FANCA: variants seen among roughly 807,000 people sequenced by gnomAD.
FANCA encodes FA complementation group A.
A neutral mutation model predicts 194.3 loss-of-function variants in FANCA; 236 were observed. The observed-to-expected ratio is 1.21, with a 90% CI of 1.09 to 1.35. The LOEUF (loss-of-function observed/expected upper bound fraction) is 1.35. FANCA is among the 40% of genes most tolerant of loss of function. The pLI, the probability that FANCA is intolerant of heterozygous loss-of-function variation, is 0.00. For missense variants in FANCA, 2,628 were observed against 1,813.9 expected, an observed-to-expected ratio of 1.45 and a Z score of -8.15; for synonymous variants, 1,014 against 715.8, an observed-to-expected ratio of 1.42 and a Z score of -6.65.
intron 30 of FANCA, among the ~76,000 whole-genome samples, chr16:89,754,709 C>A (rs755165361): frequency 1.1e-4 from 16 of 152,032 alleles, no homozygotes; most frequent in African/African-American, 3.6e-4. Flanking sequence ...GGAATCGATA[C>A]AAAAACACTC....
chr16:89,761,147 C>T (rs1003843571), intron 29 of FANCA, among the ~76,000 whole-genome samples: 8 of 152,166 alleles, frequency 5.3e-5, no homozygotes, highest in African/African-American at 1.2e-4. Context: ...TGGCCAGGCG[C>T]GGTGGCTCAC....
At chr16:89,758,477 G>A (rs2143222824) in intron 30 of FANCA, 100 bp downstream of exon 30, 2 of 1,455,648 alleles carry the variant, frequency 1.4e-6, no homozygotes, top group African/African-American at 1.4e-5. Context: ...CCCACCCTAA[G>A]CTAATTAGAT....
intron 27 of FANCA, among the ~76,000 whole-genome samples, chr16:89,766,745 A>G (rs545878849): frequency 2.6e-5 from 4 of 152,272 alleles, no homozygotes; most frequent in African/African-American, 9.6e-5. Flanking sequence ...TTGTCTGAAC[A>G]ATGTAAGGAA....
chr16:89,744,631 C>T (rs2062203276), intron 36 of FANCA: 5 of 376,502 alleles, frequency 1.3e-5, no homozygotes, highest in East Asian at 6.2e-5. Context: ...TGGGAGAGGC[C>T]GTTCCTCACT....
intron 30 of FANCA, among the ~76,000 whole-genome samples, chr16:89,755,977 C>T (rs1011297602): frequency 2.0e-5 from 3 of 152,162 alleles, no homozygotes; most frequent in Admixed American, 6.5e-5. Context: ...GCCCACCGCT[C>T]CCAGGCTATA....
chr16:89,798,774 G>A, intron 10 of FANCA: 2 of 1,404,494 alleles, frequency 1.4e-6, no homozygotes, highest in Non-Finnish European at 1.9e-6. Context: ...TAGAGGCACA[G>A]CTACAGTGTG....
At chr16:89,791,834 A>G (rs2143528683) in intron 13 of FANCA, 93 bp downstream of exon 13, 3 of 1,528,434 alleles carry the variant, frequency 2.0e-6, no homozygotes, top group South Asian at 1.1e-5. Context: ...GAAGGGCTTC[A>G]CTGAGAGGCT....
chr16:89,801,795 G>A (rs1189578366), intron 8 of FANCA, among the ~76,000 whole-genome samples: 2 of 151,946 alleles, frequency 1.3e-5, no homozygotes, highest in Admixed American at 6.6e-5. Context: ...GGCTGAGGCA[G>A]GAGAATCGGT....
At chr16:89,759,951 C>T (rs768379366) in intron 29 of FANCA, among the ~76,000 whole-genome samples, 3 of 151,592 alleles carry the variant, frequency 2.0e-5, no homozygotes, top group Non-Finnish European at 2.9e-5. Context: ...GCTCCACCCA[C>T]GCTGTGCGGG....
chr16:89,787,149 C>T (rs192742913), intron 14 of FANCA, among the ~76,000 whole-genome samples: 132 of 152,326 alleles, frequency 8.7e-4, no homozygotes, highest in African/African-American at 3.1e-3. Flanking sequence ...CACTTAATGG[C>T]TGGGTGCAGT....
At chr16:89,816,449 G>A (rs2041131338) in intron 1 of FANCA, 88 bp downstream of exon 1, 1 of 1,204,224 alleles carries the variant, frequency 8.3e-7, no homozygotes, top group Non-Finnish European at 1.1e-6. Context: ...CCGACCGGCG[G>A]AGGCTCTGGC....
chr16:89,811,204 A>G (rs1007361967), intron 3 of FANCA, 133 bp from the exon 4 acceptor site: 3 of 1,045,750 alleles, frequency 2.9e-6, no homozygotes, highest in Non-Finnish European at 2.9e-6. Context: ...GGGAGAATAG[A>G]TGCAAAGGGA....
At chr16:89,777,365 G>A (rs2039544939) in intron 20 of FANCA, among the ~76,000 whole-genome samples, 1 of 152,206 alleles carries the variant, frequency 6.6e-6, no homozygotes, top group Non-Finnish European at 1.5e-5. Context: ...CTGGGTGACA[G>A]AGTGGGACCC....
At chr16:89,793,838 C>T (rs557393469) in intron 11 of FANCA, among the ~76,000 whole-genome samples, 26 of 152,288 alleles carry the variant, frequency 1.7e-4, no homozygotes, top group South Asian at 1.0e-3. Context: ...GCAAGCTCTG[C>T]CTCTCGGGTT....
chr16:89,773,560 A>G (rs1219417113), intron 21 of FANCA, among the ~76,000 whole-genome samples, 176 bp from the exon 22 acceptor site: 1 of 152,158 alleles, frequency 6.6e-6, no homozygotes, highest in Non-Finnish European at 1.5e-5. Flanking sequence ...CTGATGCTGG[A>G]TGCCACATCG....
At chr16:89,754,090 C>T (rs894927222) in intron 30 of FANCA, among the ~76,000 whole-genome samples, 1 of 151,758 alleles carries the variant, frequency 6.6e-6, no homozygotes, top group Non-Finnish European at 1.5e-5. Context: ...GGCATGGTGG[C>T]GGGTGCCTGT....
At chr16:89,796,627 C>A (rs1357756448) in intron 10 of FANCA, among the ~76,000 whole-genome samples, 2 of 152,186 alleles carry the variant, frequency 1.3e-5, no homozygotes, top group Non-Finnish European at 2.9e-5. Flanking sequence ...TGCCACATCC[C>A]AGCAGGCCTA....
intron 32 of FANCA, among the ~76,000 whole-genome samples, chr16:89,749,495 A>T (rs2038506056): frequency 6.6e-6 from 1 of 152,212 alleles, no homozygotes; most frequent in Non-Finnish European, 1.5e-5. Flanking sequence ...CCAAAATGCT[A>T]GGATTACAGG....
At chr16:89,793,206 T>A (rs1422631329) in intron 11 of FANCA, among the ~76,000 whole-genome samples, 1 of 152,058 alleles carries the variant, frequency 6.6e-6, no homozygotes, top group Non-Finnish European at 1.5e-5. Flanking sequence ...TGAGTGGTGT[T>A]CCTTGACACC....
Sources: allele counts gnomAD v4.1 joint callset (sites outside exome capture counted in the v4.1 genomes callset), GRCh38; gene constraint gnomAD v4.1.1; transcripts MANE v1.5; gene names NCBI Gene and HGNC (gene_info 2026-07-23, HGNC 2026-07-21).